Variants in DDC observed in about 807,000 individuals in gnomAD.
The protein encoded by DDC is aromatic-L-amino-acid decarboxylase.
In DDC, 43 loss-of-function variants were observed where a neutral mutation model predicts 60.0. That is an observed-to-expected ratio of 0.72 (90% confidence interval 0.56 to 0.92). The LOEUF is 0.92. DDC is among the 40% of genes least tolerant of loss of function. The pLI, the probability that DDC is intolerant of heterozygous loss-of-function variation, is 0.00. For missense variants in DDC, 573 were observed against 620.2 expected, an observed-to-expected ratio of 0.92 and a Z score of 0.81; for synonymous variants, 232 against 234.6, an observed-to-expected ratio of 0.99 and a Z score of 0.10.
At chr7:50,544,240 C>T in intron 1 of DDC, 127 bp from the exon 2 acceptor site, 1 of 735,032 alleles carries the variant, frequency 1.4e-6, no homozygotes, top group Non-Finnish European at 2.4e-6. Context: ...ACTTGGATCC[C>T]AAGTAAGGGG....
intron 1 of DDC, among the ~76,000 whole-genome samples, chr7:50,545,995 G>A (rs1018656138): frequency 6.6e-6 from 1 of 152,116 alleles, no homozygotes. Context: ...GCTCAGAGAG[G>A]CAATGTGACA....
intron 12 of DDC, among the ~76,000 whole-genome samples, chr7:50,469,263 A>ATT (rs1562982442): frequency 0.015 from 2,177 of 140,646 alleles, 63 homozygotes; most frequent in African/African-American, 0.059. Flanking sequence ...TTTAAAAAAA[A>ATT]AAAAAAAAAA....
chr7:50,467,143 G>A, intron 13 of DDC, 71 bp downstream of exon 13: 2 of 1,316,878 alleles, frequency 1.5e-6, no homozygotes, highest in Admixed American at 1.7e-5. Context: ...TTTGAGCATG[G>A]AGGTAATGAA....
intron 12 of DDC, among the ~76,000 whole-genome samples, chr7:50,468,035 G>A (rs2042436476): frequency 6.6e-6 from 1 of 152,260 alleles, no homozygotes; most frequent in African/African-American, 2.4e-5. Context: ...CTAGGAGAAG[G>A]AGCCCTCCGT....
At chr7:50,524,814 G>A (rs2043995830) in intron 6 of DDC, among the ~76,000 whole-genome samples, 1 of 152,148 alleles carries the variant, frequency 6.6e-6, no homozygotes, top group African/African-American at 2.4e-5. Flanking sequence ...ACCCTTAATT[G>A]CACTCTTAGG....
In DDC at chr7:50,529,194, C is replaced by G; in HGVS notation, c.570+14G>C. ...GTCTTGAAGTCTTGGCTGATACCCC[C>G]ACAACACACTCACCTGATCGGATGA... On this transcript the variant is annotated intron_variant, in intron 5 of 14. Transcript: ENST00000444124. 1 of 1,612,788 alleles carries G rather than the reference C, an allele frequency of 6.2e-7. No homozygotes were observed.
intron 13 of DDC, 34 bp from the exon 14 acceptor site, chr7:50,463,465 G>A (rs1385251510): frequency 6.3e-7 from 1 of 1,579,250 alleles, no homozygotes; most frequent in Non-Finnish European, 8.7e-7. Context: ...CTGTGCTCAG[G>A]TCTCTGAGGA....
intron 9 of DDC, among the ~76,000 whole-genome samples, chr7:50,480,611 G>T (rs745861914): frequency 1.3e-5 from 2 of 152,160 alleles, no homozygotes; most frequent in African/African-American, 2.4e-5. Flanking sequence ...GGAGTCTGAC[G>T]CTACCTCTAG....
intron 2 of DDC, chr7:50,541,239 G>T (rs1239547503): frequency 6.6e-6 from 1 of 152,318 alleles, no homozygotes; most frequent in African/African-American, 2.4e-5. Context: ...TGCAAGTCCA[G>T]CAGGAACCCT....
At chr7:50,513,175 G>A (rs1563017531) in intron 6 of DDC, among the ~76,000 whole-genome samples, 2 of 152,184 alleles carry the variant, frequency 1.3e-5, no homozygotes, top group Admixed American at 6.5e-5. Context: ...CTGCAGAAGC[G>A]GGAAAGGGAG....
At chr7:50,526,596 G>A (rs1376740337) in intron 6 of DDC, among the ~76,000 whole-genome samples, 2 of 152,148 alleles carry the variant, frequency 1.3e-5, no homozygotes, top group African/African-American at 4.8e-5. Flanking sequence ...AAAACAAATA[G>A]ACAGCAGATA....
intron 6 of DDC, among the ~76,000 whole-genome samples, chr7:50,518,678 C>T (rs1455178112): frequency 1.3e-5 from 2 of 152,164 alleles, no homozygotes; most frequent in East Asian, 3.8e-4. Context: ...GGATAATTGG[C>T]TAGCCACATG....
intron 4 of DDC, among the ~76,000 whole-genome samples, chr7:50,533,814 G>T: frequency 1.3e-5 from 2 of 152,280 alleles, no homozygotes; most frequent in Admixed American, 6.5e-5. Context: ...GAATCAGCAG[G>T]GCTCACCAAA....
intron 1 of DDC, among the ~76,000 whole-genome samples, chr7:50,551,438 G>A (rs898917437): frequency 4.0e-5 from 6 of 151,850 alleles, no homozygotes; most frequent in Non-Finnish European, 8.8e-5. Flanking sequence ...TCACCATGTT[G>A]GCCAGGCTGG....
chr7:50,516,867 A>G (rs2043745578), intron 6 of DDC, among the ~76,000 whole-genome samples: 1 of 152,176 alleles, frequency 6.6e-6, no homozygotes, highest in Non-Finnish European at 1.5e-5. Context: ...CAACCCTCCT[A>G]GCTTAAATCA....
chr7:50,478,775 G>C (rs2042704368), intron 10 of DDC, among the ~76,000 whole-genome samples: 1 of 151,832 alleles, frequency 6.6e-6, no homozygotes, highest in East Asian at 1.9e-4. Context: ...ATGTGGGAAG[G>C]GCAGCTTGTA....
chr7:50,494,596 A>T (rs955905946), intron 9 of DDC, among the ~76,000 whole-genome samples: 1 of 152,066 alleles, frequency 6.6e-6, no homozygotes, highest in Non-Finnish European at 1.5e-5. Context: ...GTCTCGAAAA[A>T]AAAAAAAGAG....
intron 11 of DDC, among the ~76,000 whole-genome samples, chr7:50,475,657 A>T (rs1345719219): frequency 3.3e-5 from 5 of 151,514 alleles, no homozygotes; most frequent in Non-Finnish European, 7.4e-5. Flanking sequence ...CTCTGCTTTG[A>T]TGATGTCTGG....
Position 50,462,809 on chromosome 7 carries a change from C to T in DDC, c.*18+404G>A, listed in dbSNP as rs1168365852. On this transcript the variant is annotated intron_variant, in intron 14 of 14. Transcript: ENST00000444124. Reference sequence around the variant, plus strand: ...TTTTTTGGACTGAGTCCTGCATTATCGCCAGGCTGTAACGCAGTGGCGCGA... The same window carrying T: ...TTTTTTGGACTGAGTCCTGCATTATTGCCAGGCTGTAACGCAGTGGCGCGA... 7.7e-5 allele frequency among the ~76,000 whole-genome samples: 9 copies of T among 117,106 alleles called. No individual in the cohort carries two copies. The South Asian group carries it at 1.4e-3, about 18-fold the overall frequency. 76.8% of individuals were successfully genotyped at this position (117,106 alleles called of 152,430 possible). A position where few individuals can be genotyped will look rare whatever the true frequency, so the allele number is the denominator to read the frequency against.
Sources: allele counts gnomAD v4.1 joint callset (sites outside exome capture counted in the v4.1 genomes callset), GRCh38; gene constraint gnomAD v4.1.1; transcripts MANE v1.5; gene names NCBI Gene and HGNC (gene_info 2026-07-23, HGNC 2026-07-21).